The following HS6ST3 variants were observed in gnomAD, a reference collection of about 807,000 sequenced individuals.
HS6ST3 encodes heparan sulfate 6-O-sulfotransferase 3.
HS6ST3 carries 12 observed loss-of-function variants against 36.7 expected under a neutral mutation model. The ratio of observed to expected loss-of-function variants is 0.33; its 90% CI spans 0.21 to 0.53. The LOEUF (loss-of-function observed/expected upper bound fraction) is 0.53. HS6ST3 is among the 20% of genes least tolerant of loss of function. HS6ST3 has a pLI of 0.95. For synonymous variants in HS6ST3, 240 were observed against 257.5 expected (o/e 0.93, Z 0.65); for missense variants, 584 against 640.9 (o/e 0.91, Z 0.96).
At chr13:96,168,433 C>T (rs748567205) in intron 1 of HS6ST3, among the ~76,000 whole-genome samples, 1 of 152,102 alleles carries the variant, frequency 6.6e-6, no homozygotes, top group Non-Finnish European at 1.5e-5. Context: ...AGGTCAGGTG[C>T]AGTGGCTCAT....
intron 1 of HS6ST3, among the ~76,000 whole-genome samples, chr13:96,702,605 C>T (rs1339837504): frequency 6.6e-6 from 1 of 152,156 alleles, no homozygotes; most frequent in East Asian, 1.9e-4. Flanking sequence ...TTGTATGAAG[C>T]CTGCTGACTG....
chr13:96,312,329 A>G (rs1231411719), intron 1 of HS6ST3, among the ~76,000 whole-genome samples: 1 of 152,146 alleles, frequency 6.6e-6, no homozygotes, highest in Admixed American at 6.5e-5. Context: ...CACCAATCAT[A>G]TATTGTTTGA....
chr13:96,592,270 C>G (rs1446368063), intron 1 of HS6ST3, among the ~76,000 whole-genome samples: 1 of 151,932 alleles, frequency 6.6e-6, no homozygotes, highest in Admixed American at 6.6e-5. Context: ...AACAAACAAG[C>G]AAAAAAAGCT....
At chr13:96,773,141 T>C (rs1877305737) in intron 1 of HS6ST3, among the ~76,000 whole-genome samples, 1 of 152,196 alleles carries the variant, frequency 6.6e-6, no homozygotes, top group Non-Finnish European at 1.5e-5. Context: ...GCCCAGAAAC[T>C]ATGCTTTTAC....
Position 96,580,847 on chromosome 13 carries a change from C to T in HS6ST3, c.708-251643C>T, listed in dbSNP as rs143016372. ...ACAGAATGCTTTATTTATTTCAAGC[C>T]TTTAACATTTAAATAATCAGCCTTC... On this transcript the variant is annotated intron_variant, in intron 1 of 1. Transcript: ENST00000376705. 2.0e-5 allele frequency among the ~76,000 whole-genome samples: 3 copies of T among 152,022 alleles called. No homozygotes were observed. In the East Asian group the frequency reaches 5.8e-4, roughly 29 times the overall value.
chr13:96,607,055 C>T (rs2056441685), intron 1 of HS6ST3, among the ~76,000 whole-genome samples: 1 of 152,084 alleles, frequency 6.6e-6, no homozygotes, highest in South Asian at 2.1e-4. Flanking sequence ...TATGAAAATT[C>T]AAAAAGCTTT....
chr13:96,490,744 G>T (rs2055940670), intron 1 of HS6ST3, among the ~76,000 whole-genome samples: 1 of 152,188 alleles, frequency 6.6e-6, no homozygotes, highest in Non-Finnish European at 1.5e-5. Flanking sequence ...AAGTGGTAAT[G>T]CATTAAATAT....
intron 1 of HS6ST3, among the ~76,000 whole-genome samples, chr13:96,322,252 A>G (rs1260234033): frequency 6.6e-6 from 1 of 151,944 alleles, no homozygotes; most frequent in Non-Finnish European, 1.5e-5. Context: ...CATTTTAAAA[A>G]CGCTACTTCT....
At chr13:96,625,144 G>A (rs2056507736) in intron 1 of HS6ST3, among the ~76,000 whole-genome samples, 1 of 152,182 alleles carries the variant, frequency 6.6e-6, no homozygotes, top group Non-Finnish European at 1.5e-5. Flanking sequence ...TGTGAATTAA[G>A]GGGCAGTTTA....
chr13:96,351,052 A>G (rs1426266701), intron 1 of HS6ST3, among the ~76,000 whole-genome samples: 1 of 152,124 alleles, frequency 6.6e-6, no homozygotes, highest in East Asian at 1.9e-4. Context: ...ATTGAGAACC[A>G]TGTTTTTATC....
intron 1 of HS6ST3, among the ~76,000 whole-genome samples, chr13:96,555,467 C>A (rs1210158776): frequency 6.6e-6 from 1 of 152,018 alleles, no homozygotes; most frequent in Non-Finnish European, 1.5e-5. Context: ...TTTTAAAGAA[C>A]ACCATAAGAT....
chr13:96,708,372 T>C (rs1875479719), intron 1 of HS6ST3, among the ~76,000 whole-genome samples: 1 of 152,244 alleles, frequency 6.6e-6, no homozygotes, highest in African/African-American at 2.4e-5. Flanking sequence ...ATTAACTTTC[T>C]GTTCTTCCAA....
chr13:96,371,446 T>C (rs975082613), intron 1 of HS6ST3, among the ~76,000 whole-genome samples: 3 of 152,192 alleles, frequency 2.0e-5, no homozygotes, highest in Non-Finnish European at 4.4e-5. Flanking sequence ...TCACCTCACA[T>C]AGTTACGTGT....
At chr13:96,667,877 G>C (rs953050093) in intron 1 of HS6ST3, among the ~76,000 whole-genome samples, 6 of 152,120 alleles carry the variant, frequency 3.9e-5, no homozygotes, top group Admixed American at 3.9e-4. Flanking sequence ...ATGTGCCCTT[G>C]TGCCAGAATT....
intron 1 of HS6ST3, among the ~76,000 whole-genome samples, chr13:96,641,034 G>C (rs903594781): frequency 4.0e-5 from 6 of 151,796 alleles, no homozygotes; most frequent in African/African-American, 9.7e-5. Context: ...GGCTGTTCAG[G>C]CTCCTTTTTG....
chr13:96,829,820 T>C (rs1003099231), intron 1 of HS6ST3, among the ~76,000 whole-genome samples: 5 of 152,218 alleles, frequency 3.3e-5, no homozygotes, highest in African/African-American at 1.2e-4. Context: ...TGTGCATGTG[T>C]CTATATAATA....
At chr13:96,110,507 G>T (rs1228694630) in intron 1 of HS6ST3, among the ~76,000 whole-genome samples, 2 of 151,318 alleles carry the variant, frequency 1.3e-5, no homozygotes, top group South Asian at 2.1e-4. Context: ...CACCATCTTG[G>T]CTCACTGCAA....
intron 1 of HS6ST3, among the ~76,000 whole-genome samples, chr13:96,103,451 G>T (rs1267314852): frequency 6.6e-6 from 1 of 152,032 alleles, no homozygotes; most frequent in Non-Finnish European, 1.5e-5. Context: ...AGTAGTGCCT[G>T]GTACATAATG....
chr13:96,777,361 T>G (rs970462944), intron 1 of HS6ST3, among the ~76,000 whole-genome samples: 4 of 152,080 alleles, frequency 2.6e-5, no homozygotes, highest in Admixed American at 2.0e-4. Context: ...TAAAGCGTAT[T>G]CAAATAGGAA....
Sources: allele counts gnomAD v4.1 joint callset (sites outside exome capture counted in the v4.1 genomes callset), GRCh38; gene constraint gnomAD v4.1.1; transcripts MANE v1.5; gene names NCBI Gene and HGNC (gene_info 2026-07-23, HGNC 2026-07-21).